THSD7B: variants seen among roughly 807,000 people sequenced by gnomAD.
THSD7B encodes thrombospondin type-1 domain-containing protein 7B.
Under a neutral mutation model 213.6 loss-of-function variants are expected in THSD7B, and 138 were observed. The observed-to-expected ratio is 0.65, with a 90% CI of 0.56 to 0.74. The LOEUF (loss-of-function observed/expected upper bound fraction) is 0.74, where lower values mean the gene tolerates loss of function less well. Among genes scored for constraint, THSD7B ranks in the 30% least tolerant of loss-of-function variants. The pLI, the probability that THSD7B is intolerant of heterozygous loss-of-function variation, is 0.00. For synonymous variants in THSD7B, 742 were observed against 687.0 expected (o/e 1.08, Z -1.25); for missense variants, 1,931 against 1,991.5 (o/e 0.97, Z 0.58).
intron 1 of THSD7B, among the ~76,000 whole-genome samples, chr2:136,787,891 A>G (rs1681896691): frequency 6.6e-6 from 1 of 152,074 alleles, no homozygotes; most frequent in Non-Finnish European, 1.5e-5. Flanking sequence ...TGTCCCAGAT[A>G]GAGGCTGCTT....
At chr2:137,380,397 G>T (rs2104962825) in intron 12 of THSD7B, among the ~76,000 whole-genome samples, 1 of 152,234 alleles carries the variant, frequency 6.6e-6, no homozygotes, top group South Asian at 2.1e-4. Context: ...CCAGGACATA[G>T]GACTCTCTCT....
chr2:137,533,752 G>A (rs1680445445), intron 15 of THSD7B, among the ~76,000 whole-genome samples: 1 of 151,884 alleles, frequency 6.6e-6, no homozygotes, highest in South Asian at 2.1e-4. Context: ...GGCTTTCTGG[G>A]TTATTGAGAT....
intron 12 of THSD7B, among the ~76,000 whole-genome samples, chr2:137,330,399 G>A (rs146246198): frequency 7.9e-5 from 12 of 152,300 alleles, no homozygotes; most frequent in East Asian, 3.9e-4. Flanking sequence ...AAGTGTGTCC[G>A]TAATTGGTGG....
intron 4 of THSD7B, among the ~76,000 whole-genome samples, chr2:137,108,318 G>C (rs1688292145): frequency 6.6e-6 from 1 of 152,202 alleles, no homozygotes; most frequent in Non-Finnish European, 1.5e-5. Flanking sequence ...AGAGGTTGCT[G>C]TCTGGCTGTG....
chr2:137,445,870 C>A (rs1322614474), intron 14 of THSD7B, among the ~76,000 whole-genome samples: 1 of 151,584 alleles, frequency 6.6e-6, no homozygotes, highest in Non-Finnish European at 1.5e-5. Context: ...ACATGTACCC[C>A]ATAAATATAT....
intron 14 of THSD7B, among the ~76,000 whole-genome samples, chr2:137,421,839 A>G (rs1451680337): frequency 6.6e-6 from 1 of 152,226 alleles, no homozygotes; most frequent in Non-Finnish European, 1.5e-5. Context: ...GATTGTATCA[A>G]GGACTATGGG....
In THSD7B at chr2:137,487,107, G is replaced by A. The variant is rs1174663249; in HGVS notation, c.3138+36084G>A. On this transcript the variant is annotated intron_variant, in intron 15 of 27. Coordinates refer to ENST00000409968, the MANE Select transcript of THSD7B (RefSeq NM_001316349.2). ...AACTAGGCCGGGCGCGGTGGCTCAC[G>A]CCTGTAATCCCAGCACTTTGGGAGG... Among the ~76,000 whole-genome samples the A allele has an allele frequency of 4.0e-5, 6 of 150,420 alleles. 1 individual carries two copies. The highest frequency in any genetic ancestry group is 1.5e-4 in the African/African-American group (6 of 39,904).
rs368576493 is a variant in THSD7B at position 137,120,854 on chromosome 2, C to T, written c.1369+5561C>T. 4.6e-5 allele frequency among the ~76,000 whole-genome samples: 7 copies of T among 152,290 alleles called. No individual in the cohort carries two copies. In the East Asian group the frequency reaches 1.2e-3, roughly 25 times the overall value. ...GTAGAAGAGTTAGTGAAAGTAATGACGTGTGTTCCATCTTTAAATCCCCAC... is the reference window on the plus strand; with the variant it reads ...GTAGAAGAGTTAGTGAAAGTAATGATGTGTGTTCCATCTTTAAATCCCCAC... On this transcript the variant is annotated intron_variant, in intron 5 of 27. Transcript: ENST00000409968.
At chr2:137,098,249 G>A (rs746428706) in intron 4 of THSD7B, among the ~76,000 whole-genome samples, 8 of 152,016 alleles carry the variant, frequency 5.3e-5, no homozygotes, top group Non-Finnish European at 7.4e-5. Flanking sequence ...TTAGAATACC[G>A]TTTGACTTTT....
intron 1 of THSD7B, among the ~76,000 whole-genome samples, chr2:136,827,923 A>G (rs1682684419): frequency 6.6e-6 from 1 of 152,012 alleles, no homozygotes; most frequent in South Asian, 2.1e-4. Context: ...TTCAGGGATA[A>G]TTTCTAATAA....
intron 3 of THSD7B, among the ~76,000 whole-genome samples, chr2:137,081,534 C>G (rs1287169374): frequency 6.6e-6 from 1 of 151,884 alleles, no homozygotes. Context: ...TTTCTGAGTT[C>G]AGTCAATTCA....
intron 1 of THSD7B, among the ~76,000 whole-genome samples, chr2:136,829,718 A>C (rs1682717699): frequency 6.6e-6 from 1 of 152,168 alleles, no homozygotes. Flanking sequence ...AGCCATGAAG[A>C]TCCTGAGGGA....
intron 17 of THSD7B, among the ~76,000 whole-genome samples, chr2:137,605,419 C>T (rs1025903375): frequency 6.6e-6 from 1 of 151,998 alleles, no homozygotes; most frequent in African/African-American, 2.4e-5. Flanking sequence ...CAGTGTCAGG[C>T]ACATAAGTAC....
At chr2:137,581,831 C>T (rs912314144) in intron 17 of THSD7B, among the ~76,000 whole-genome samples, 2 of 150,344 alleles carry the variant, frequency 1.3e-5, no homozygotes, top group African/African-American at 2.4e-5. Flanking sequence ...GGCATGGTGG[C>T]TTATACCTGT....
chr2:137,039,524 G>A (rs189510825), intron 2 of THSD7B, among the ~76,000 whole-genome samples: 4 of 152,312 alleles, frequency 2.6e-5, no homozygotes, highest in Admixed American at 1.3e-4. Context: ...GGCCCCAAAT[G>A]TTTAAAGTGC....
chr2:137,160,252 C>A lies in THSD7B; in HGVS notation c.1409C>A (p.Ala470Asp). 1 of 1,613,694 alleles carries A rather than the reference C, an allele frequency of 6.2e-7. No homozygotes were observed. Among genetic ancestry groups the A allele is most frequent in the Non-Finnish European group, 8.5e-7 (1 of 1,179,686 alleles). Reference sequence around the variant, plus strand: ...GAAAAGGCATTATGTGTGGGACCCGCCCCGTTGCCCTCTCAGCTCTGCAAT... The same window carrying A: ...GAAAAGGCATTATGTGTGGGACCCGACCCGTTGCCCTCTCAGCTCTGCAAT... ...PVEKALCVGP[A>D]PLPSQLCNIP... Residue 470 changes from alanine to aspartate, a missense_variant, in exon 6 of 28, where the codon GCC becomes GAC. Ala to Asp is a moderately radical substitution (Grantham distance 126). Transcript: ENST00000409968.
At chr2:137,314,125 C>A (rs1456894786) in intron 12 of THSD7B, among the ~76,000 whole-genome samples, 1 of 152,120 alleles carries the variant, frequency 6.6e-6, no homozygotes, top group African/African-American at 2.4e-5. Flanking sequence ...TCCATTCTCC[C>A]CATCACTTTC....
At chr2:137,538,790 A>G (rs1680554451) in intron 15 of THSD7B, among the ~76,000 whole-genome samples, 1 of 151,696 alleles carries the variant, frequency 6.6e-6, no homozygotes, top group African/African-American at 2.4e-5. Context: ...ATGCTCTGAG[A>G]TTTCAGAATC....
intron 22 of THSD7B, 140 bp from the exon 23 acceptor site, chr2:137,656,656 A>G (rs1456476251): frequency 2.7e-6 from 2 of 736,556 alleles, no homozygotes; most frequent in African/African-American, 3.5e-5. Context: ...TTCTGATTGG[A>G]AAATTGATCA....
Sources: gnomAD v4.1 joint callset for allele counts (sites outside exome capture counted in the v4.1 genomes callset) on GRCh38, gnomAD v4.1.1 for gene constraint, MANE v1.5 for transcripts, NCBI Gene and HGNC (gene_info 2026-07-23, HGNC 2026-07-21) for gene names.